The following LGSN variants were observed in gnomAD, a reference collection of about 807,000 sequenced individuals.
LGSN encodes the protein lengsin.
In LGSN, 21 loss-of-function variants were observed where a neutral mutation model predicts 19.5. That is an observed-to-expected ratio of 1.07 (90% CI 0.76 to 1.55). The LOEUF (loss-of-function observed/expected upper bound fraction) is 1.55. LGSN is among the 40% of genes most tolerant of loss of function. The pLI is 0.00. For synonymous variants in LGSN, 257 were observed against 215.6 expected (o/e 1.19, Z -1.68); for missense variants, 673 against 608.5 (o/e 1.11, Z -1.12).
At chr6:63,518,401 G>T in the LGSN span, among the ~76,000 whole-genome samples, 1 of 152,060 alleles carries the variant, frequency 6.6e-6, no homozygotes, top group Non-Finnish European at 1.5e-5. Flanking sequence ...TTTTATAATT[G>T]ATTAACTAAA....
At chr6:63,454,793 CTTTTT>C in the LGSN span, among the ~76,000 whole-genome samples, 24 of 91,742 alleles carry the variant, frequency 2.6e-4, no homozygotes, top group African/African-American at 9.4e-4. Context: ...TTTTCTTTTT[CTTTTT>C]TTTTTTTTTT....
At chr6:63,559,700 G>A in the LGSN span, among the ~76,000 whole-genome samples, 3 of 151,528 alleles carry the variant, frequency 2.0e-5, no homozygotes, top group South Asian at 2.1e-4. Flanking sequence ...AGCCAAGATC[G>A]CGCCACTGCA....
the LGSN span, among the ~76,000 whole-genome samples, chr6:63,412,404 A>AAAGAAAGAAAG: frequency 7.4e-6 from 1 of 134,358 alleles, no homozygotes; most frequent in Non-Finnish European, 1.5e-5. Context: ...AGAAGGAAAG[A>AAAGAAAGAAAG]AAGAAAGAAA....
chr6:63,447,349 G>A, the LGSN span, among the ~76,000 whole-genome samples: 1 of 152,114 alleles, frequency 6.6e-6, no homozygotes, highest in Non-Finnish European at 1.5e-5. Flanking sequence ...GCATGTTTAG[G>A]TTGGGTTGCC....
chr6:63,505,633 G>GAAATAAAGAAATAAATAAAT, the LGSN span, among the ~76,000 whole-genome samples: 4 of 97,220 alleles, frequency 4.1e-5, no homozygotes, highest in African/African-American at 1.6e-4. Context: ...AAGAAAGAAA[G>GAAATAAAGAAATAAATAAAT]AAATTCTGGC....
the LGSN span, among the ~76,000 whole-genome samples, chr6:63,367,311 A>G: frequency 6.6e-6 from 1 of 152,368 alleles, no homozygotes; most frequent in Non-Finnish European, 1.5e-5. Context: ...AAAAGAAGAC[A>G]TTTATGCAGC....
the LGSN span, among the ~76,000 whole-genome samples, chr6:63,553,664 T>C: frequency 4.6e-5 from 7 of 152,216 alleles, no homozygotes; most frequent in Non-Finnish European, 7.3e-5. Flanking sequence ...ATTGATTGCA[T>C]TATCACTGAT....
At chr6:63,373,767 G>C in the LGSN span, among the ~76,000 whole-genome samples, 29 of 152,062 alleles carry the variant, frequency 1.9e-4, 1 homozygote, top group Admixed American at 5.2e-4. Context: ...GAGGTCAGAG[G>C]TTCGAGATCA....
At chr6:63,460,966 G>A in the LGSN span, among the ~76,000 whole-genome samples, 1 of 152,284 alleles carries the variant, frequency 6.6e-6, no homozygotes, top group Non-Finnish European at 1.5e-5. Context: ...TGAATGTCTG[G>A]CATGAGGGGG....
the LGSN span, among the ~76,000 whole-genome samples, chr6:63,355,668 C>A: frequency 6.6e-6 from 1 of 152,132 alleles, no homozygotes; most frequent in Non-Finnish European, 1.5e-5. Flanking sequence ...ATGCATCACT[C>A]CAGTACTCTG....
chr6:63,441,260 C>T, the LGSN span: 1 of 363,520 alleles, frequency 2.8e-6, no homozygotes. Context: ...GCCTCACACA[C>T]CTGGCGAAGC....
chr6:63,326,896 C>A, the LGSN span, among the ~76,000 whole-genome samples: 1 of 152,334 alleles, frequency 6.6e-6, no homozygotes, highest in East Asian at 1.9e-4. Context: ...CAGAAAGGGG[C>A]TCCCATAGTG....
chr6:63,458,697 G>A, the LGSN span, among the ~76,000 whole-genome samples: 1 of 152,182 alleles, frequency 6.6e-6, no homozygotes, highest in Non-Finnish European at 1.5e-5. Flanking sequence ...CTAATTCTAG[G>A]AGTCTGAAAA....
the LGSN span, among the ~76,000 whole-genome samples, chr6:63,525,295 C>T: frequency 2.0e-5 from 3 of 152,236 alleles, no homozygotes; most frequent in South Asian, 6.2e-4. Context: ...ATGCTGAAGC[C>T]GGTTGTGGGT....
chr6:63,407,807 A>T, the LGSN span, among the ~76,000 whole-genome samples: 1 of 152,218 alleles, frequency 6.6e-6, no homozygotes, highest in South Asian at 2.1e-4. Context: ...AATCTCCTTA[A>T]GCTGATAAGC....
At chr6:63,358,901 G>C in the LGSN span, among the ~76,000 whole-genome samples, 2 of 152,098 alleles carry the variant, frequency 1.3e-5, no homozygotes, top group African/African-American at 4.8e-5. Flanking sequence ...GGACATTCCC[G>C]TCTTGTGCCA....
the LGSN span, among the ~76,000 whole-genome samples, chr6:63,488,796 C>A: frequency 1.4e-5 from 2 of 147,360 alleles, no homozygotes; most frequent in African/African-American, 2.5e-5. Flanking sequence ...CCAGCCTGGG[C>A]AACAAAGCAA....
the LGSN span, among the ~76,000 whole-genome samples, chr6:63,365,540 C>T: frequency 2.0e-5 from 3 of 152,196 alleles, no homozygotes; most frequent in African/African-American, 7.2e-5. Context: ...CCTTCTGAAA[C>T]TATTCCAATC....
the LGSN span, among the ~76,000 whole-genome samples, chr6:63,490,332 T>C: frequency 6.6e-6 from 1 of 152,180 alleles, no homozygotes; most frequent in Non-Finnish European, 1.5e-5. Context: ...GTATGATACC[T>C]ACCTCCGTAA....
Sources: allele counts gnomAD v4.1 joint callset (sites outside exome capture counted in the v4.1 genomes callset), GRCh38; gene constraint gnomAD v4.1.1; transcripts MANE v1.5; gene names NCBI Gene and HGNC (gene_info 2026-07-23, HGNC 2026-07-21).